PREX1: variants seen among roughly 807,000 people sequenced by gnomAD.
The protein encoded by PREX1 is phosphatidylinositol 3,4,5-trisphosphate-dependent Rac exchanger 1 protein.
In PREX1, 41 loss-of-function variants were observed where a neutral mutation model predicts 198.3. That is an observed-to-expected ratio of 0.21 (90% CI 0.16 to 0.27). The LOEUF (loss-of-function observed/expected upper bound fraction) is 0.27. PREX1 is among the 10% of genes least tolerant of loss of function. PREX1 has a pLI of 1.00. For synonymous variants in PREX1, 843 were observed against 887.2 expected (o/e 0.95, Z 0.89); for missense variants, 1,620 against 2,200.7 (o/e 0.74, Z 5.28).
chr20:48,738,699 C>A (rs1306451761), intron 3 of PREX1, among the ~76,000 whole-genome samples: 1 of 152,058 alleles, frequency 6.6e-6, no homozygotes, highest in Non-Finnish European at 1.5e-5. Context: ...AAGGGGACAG[C>A]TGCTGGCTGG....
Position 48,684,731 on chromosome 20 carries a change from T to A in PREX1, c.1335-3396A>T, listed in dbSNP as rs372661348. Among the ~76,000 whole-genome samples the A allele has an allele frequency of 1.7e-3, 261 of 152,116 alleles. 1 individual carries two copies. Among genetic ancestry groups the A allele is most frequent in the African/African-American group, 5.5e-3 (230 of 41,498 alleles). Reference sequence around the variant, plus strand: ...GCTTCCCACAGCACCAAGACGGAAATGTGAGCTGCCTGCCAAGGCCCTGCC... The same window carrying A: ...GCTTCCCACAGCACCAAGACGGAAAAGTGAGCTGCCTGCCAAGGCCCTGCC... On this transcript the variant is annotated intron_variant, in intron 10 of 39. Transcript: ENST00000371941. This position sits in a 1 kb window ranked among gnomAD's most constrained non-coding sequence, Gnocchi z 4.2.
chr20:48,884,939 GT>G, the PREX1 span, among the ~76,000 whole-genome samples: 124 of 152,158 alleles, frequency 8.1e-4, no homozygotes, highest in Non-Finnish European at 4.1e-4. Context: ...TAAATCCTGG[GT>G]TTTAAATCTG....
chr20:48,642,080 G>T, intron 29 of PREX1, 88 bp downstream of exon 29: 3 of 1,358,054 alleles, frequency 2.2e-6, no homozygotes, highest in Non-Finnish European at 3.1e-6. Flanking sequence ...CAGTAGGAGG[G>T]CAGAGCTGAG....
At chr20:48,828,198 G>T (rs1600540304), upstream of PREX1, among the ~76,000 whole-genome samples, 1 of 151,216 alleles carries the variant, frequency 6.6e-6, no homozygotes, top group African/African-American at 2.4e-5. Flanking sequence ...CGCGGCGCTC[G>T]GCGCCTCCGT....
At chr20:48,731,448 G>T (rs1394195417) in intron 4 of PREX1, among the ~76,000 whole-genome samples, 2 of 152,204 alleles carry the variant, frequency 1.3e-5, no homozygotes, top group Non-Finnish European at 1.5e-5. Flanking sequence ...TTCTTGCCTT[G>T]TTCATGTCGG....
intron 4 of PREX1, among the ~76,000 whole-genome samples, chr20:48,733,689 T>TCTGTTGTTGTTGTTG (rs1555839211): frequency 1.5e-4 from 3 of 19,810 alleles, no homozygotes; most frequent in Non-Finnish European, 3.7e-4. Flanking sequence ...AGTAAATCCC[T>TCTGTTGTTGTTGTTG]CTGTTGTTGT....
intron 1 of PREX1, among the ~76,000 whole-genome samples, chr20:48,826,595 C>A (rs1479452633): frequency 2.0e-5 from 3 of 152,214 alleles, no homozygotes; most frequent in Admixed American, 6.5e-5. Flanking sequence ...GTAGCTCACG[C>A]CTGTAATCCC....
chr20:48,669,885 G>T (rs893799307), intron 14 of PREX1, among the ~76,000 whole-genome samples: 2 of 152,168 alleles, frequency 1.3e-5, no homozygotes, highest in African/African-American at 4.8e-5. Context: ...GGGGGAAAGA[G>T]GTGTCAGTTA....
the PREX1 span, among the ~76,000 whole-genome samples, chr20:48,863,449 C>T: frequency 5.3e-5 from 8 of 151,446 alleles, no homozygotes; most frequent in Non-Finnish European, 7.4e-5. Flanking sequence ...CATCCCTCCC[C>T]GCTCCTTCTC....
rs1295502403 is a variant in PREX1 at position 48,646,076 on chromosome 20, T to C, written c.3306-19A>G. 1.2e-6 allele frequency: 2 copies of C among 1,610,158 alleles called. No individual in the cohort carries two copies. Among genetic ancestry groups the C allele is most frequent in the Non-Finnish European group, 1.7e-6 (2 of 1,179,376 alleles). ...CAGCAGCCTACGGAAGCAAAGACCT[T>C]GAAGTCAAAGATACAGGCCTGGCCC... On this transcript the variant is annotated intron_variant, in intron 25 of 39. Coordinates refer to ENST00000371941, the MANE Select transcript of PREX1 (RefSeq NM_020820.4).
chr20:48,676,971 G>A (rs552295714), intron 13 of PREX1, among the ~76,000 whole-genome samples: 8 of 152,190 alleles, frequency 5.3e-5, no homozygotes, highest in Non-Finnish European at 7.3e-5. Context: ...AATCCCTGCC[G>A]AGCCTGGATC....
At chr20:48,651,648 G>A (rs1199461848) in intron 21 of PREX1, 65 bp from the exon 22 acceptor site, 19 of 1,493,080 alleles carry the variant, frequency 1.3e-5, no homozygotes, top group Admixed American at 1.9e-5. Context: ...GAGGCGAGGA[G>A]GATTCTGGAG....
intron 6 of PREX1, among the ~76,000 whole-genome samples, chr20:48,704,938 T>G (rs1178782210): frequency 6.6e-6 from 1 of 152,216 alleles, no homozygotes; most frequent in Non-Finnish European, 1.5e-5. Flanking sequence ...GCATCTGGAG[T>G]GTGCCTCTGA....
chr20:48,747,787 G>A (rs753079115), intron 2 of PREX1, 22 bp downstream of exon 2: 1 of 1,602,934 alleles, frequency 6.2e-7, no homozygotes, highest in Non-Finnish European at 8.5e-7. Flanking sequence ...TCTAGAACAG[G>A]GGCCAGCCCC....
At chr20:48,650,531 G>A (rs1568802590) in intron 23 of PREX1, among the ~76,000 whole-genome samples, 1 of 152,220 alleles carries the variant, frequency 6.6e-6, no homozygotes, top group Non-Finnish European at 1.5e-5. Flanking sequence ...CATCCCTATG[G>A]CGATTGGAAC....
intron 39 of PREX1, among the ~76,000 whole-genome samples, chr20:48,627,214 G>A (rs2122796161): frequency 6.6e-6 from 1 of 151,920 alleles, no homozygotes; most frequent in East Asian, 1.9e-4. Flanking sequence ...GGCACGGGGT[G>A]GGGGGCACAT....
chr20:48,869,152 G>A, the PREX1 span, among the ~76,000 whole-genome samples: 1 of 152,098 alleles, frequency 6.6e-6, no homozygotes, highest in East Asian at 1.9e-4. Context: ...TGGAATTACA[G>A]GTGTGAGCCA....
intron 5 of PREX1, among the ~76,000 whole-genome samples, chr20:48,712,934 G>C (rs531826036): frequency 4.6e-5 from 7 of 152,294 alleles, no homozygotes; most frequent in African/African-American, 1.7e-4. Flanking sequence ...GACCAGCCTG[G>C]CCAGCATGGT....
chr20:48,803,347 T>A (rs1386287376), intron 1 of PREX1, among the ~76,000 whole-genome samples: 1 of 151,908 alleles, frequency 6.6e-6, no homozygotes, highest in Non-Finnish European at 1.5e-5. Context: ...AGCCAGCATA[T>A]GCGGGTGGGG....
Sources: gnomAD v4.1 joint callset for allele counts (sites outside exome capture counted in the v4.1 genomes callset) on GRCh38, gnomAD v4.1.1 for gene constraint, Gnocchi (gnomAD v3.1) non-coding constraint, MANE v1.5 for transcripts, NCBI Gene and HGNC (gene_info 2026-07-23, HGNC 2026-07-21) for gene names.